ADCY7: variants seen among roughly 807,000 people sequenced by gnomAD.
ADCY7 encodes adenylate cyclase 7, also known as adenylate cyclase type 7.
A neutral mutation model predicts 120.6 loss-of-function variants in ADCY7; 72 were observed. The observed-to-expected ratio is 0.60, with a 90% CI of 0.49 to 0.73. The LOEUF is 0.73. Ranked by LOEUF, ADCY7 falls within the 30% of genes least tolerant of loss-of-function variation. The probability of loss-of-function intolerance (pLI) is 0.00; values close to 1 mark genes in which losing one functional copy is unlikely to be tolerated. For missense variants in ADCY7, 1,227 were observed against 1,486.0 expected (o/e 0.83, Z 2.87); for synonymous variants, 661 against 628.0 (o/e 1.05, Z -0.78).
At position 50,284,689 on chromosome 16, in the gene ADCY7, C is replaced by T. The variant is rs182112273; in HGVS notation, c.-268-3223C>T. On this transcript the variant is annotated intron_variant, in intron 1 of 25. Coordinates refer to ENST00000673801, the MANE Select transcript of ADCY7 (RefSeq NM_001114.5). ...TGTGCTGTGGCATCTGGCTCAGTCC[C>T]CCGGGATGTCAGTGGGCAAGCCTGG... Among the ~76,000 whole-genome samples the T allele has an allele frequency of 1.4e-4, 22 of 152,344 alleles. No homozygotes were observed. In the East Asian group the frequency reaches 4.1e-3, roughly 28 times the overall value.
At chr16:50,279,016 C>G (rs1050065326) in intron 1 of ADCY7, among the ~76,000 whole-genome samples, 2 of 152,088 alleles carry the variant, frequency 1.3e-5, no homozygotes, top group Non-Finnish European at 2.9e-5. Flanking sequence ...GGACTATAGG[C>G]ACGCACCACC....
Position 50,310,676 on chromosome 16 carries a change from T to A in ADCY7, c.2161-11T>A. The A allele has an allele frequency of 6.2e-7, 1 of 1,612,858 alleles. No homozygotes were observed. Among genetic ancestry groups the A allele is most frequent in the Non-Finnish European group, 8.5e-7 (1 of 1,179,252 alleles). ...GGTGGCCCTGTCCTGAGTGACACCC[T>A]GCCCCCTCAGTACTACACCTGCAGC... On this transcript the variant is annotated splice_polypyrimidine_tract_variant and intron_variant, in intron 18 of 25. Transcript: ENST00000673801.
chr16:50,291,745 T>G lies in ADCY7; in HGVS notation c.385T>G (p.Phe129Val). 1 of 1,614,110 alleles carries G rather than the reference T, an allele frequency of 6.2e-7. No individual in the cohort carries two copies. Among genetic ancestry groups the G allele is most frequent in the Non-Finnish European group, 8.5e-7 (1 of 1,179,996 alleles). ...CAGGCTGCATCCACAGGTGCCCTTC[T>G]TCCTGTTCATTGTCTTCGTGGTGTA... ...AACAWEQVPFFLFIVFVVYTL... is the reference protein window; with the variant it reads ...AACAWEQVPFVLFIVFVVYTL... The change falls in exon 4 of 26, where the codon TTC (phenylalanine) becomes GTC (valine). Residue 129 changes from phenylalanine (F) to valine (V), a missense_variant. Physicochemically the swap from Phe to Val is conservative, Grantham distance 50 (BLOSUM62 -1). Transcript: ENST00000673801.
rs61729542 is a variant in ADCY7, at chr16:50,304,410, C to A, written c.1419C>A (p.Asp473Glu). The A allele has an allele frequency of 7.5e-6, 12 of 1,592,820 alleles. No individual in the cohort carries two copies. Among genetic ancestry groups the A allele is most frequent in the Non-Finnish European group, 9.4e-6 (11 of 1,169,076 alleles). Residue 473 changes from aspartate to glutamate, a missense_variant, in exon 11 of 26, where the codon GAC (aspartate) becomes GAA (glutamate). Physicochemically the swap from Asp to Glu is conservative, Grantham distance 45. Coordinates refer to ENST00000673801, the MANE Select transcript of ADCY7 (RefSeq NM_001114.5). The part of the protein sequence containing the change: ...PSQHLPRPKG[D>E]AALKMRASVR... ...AACACCTCCCCAGGCCCAAGGGGGACGCGGCCCTGAAGATGCGGGCGTCAG... is the reference window on the plus strand; with the variant it reads ...AACACCTCCCCAGGCCCAAGGGGGAAGCGGCCCTGAAGATGCGGGCGTCAG...
At chr16:50,276,660 A>G (rs546839858) in intron 1 of ADCY7, among the ~76,000 whole-genome samples, 2 of 152,304 alleles carry the variant, frequency 1.3e-5, no homozygotes, top group East Asian at 3.9e-4. Flanking sequence ...TGGTGGCACA[A>G]TCATCACTTG....
rs373557711 is a variant in ADCY7 at position 50,311,807 on chromosome 16, C to G, written c.2448+21C>G. The G allele has an allele frequency of 5.2e-3, 6,896 of 1,332,884 alleles. 234 individuals carry two copies. The highest frequency in any genetic ancestry group is 6.1e-3 in the Non-Finnish European group (5,974 of 980,334). 82.6% of individuals were successfully genotyped at this position (1,332,884 alleles called of 1,614,324 possible). ...GACAGGTAAGGAGGCTGGCCCCCCC[C>G]CCCCCCCCAAGCTCTGCCCACTTTT... On this transcript the variant is annotated intron_variant, in intron 20 of 25. Transcript: ENST00000673801.
At chr16:50,304,215 C>A in intron 10 of ADCY7, 145 bp from the exon 11 acceptor site, 2 of 840,600 alleles carry the variant, frequency 2.4e-6, no homozygotes, top group Non-Finnish European at 3.3e-6. Flanking sequence ...AAGGGGACTG[C>A]GGGTTGAGCA....
rs969359833 is a variant in ADCY7 at position 50,316,561 on chromosome 16, C to T, written c.*1056C>T. ...CAGCTAACTCTGGAGAGCTTCAAAACTAGAAGGATCTACTCCGCATGGGTG... is the reference window on the plus strand; with the variant it reads ...CAGCTAACTCTGGAGAGCTTCAAAATTAGAAGGATCTACTCCGCATGGGTG... On this transcript the variant is annotated 3_prime_UTR_variant, in exon 26 of 26. Transcript: ENST00000673801. 2.6e-5 allele frequency: 4 copies of T among 152,340 alleles called. No individual in the cohort carries two copies. The highest frequency in any genetic ancestry group is 9.7e-5 in the African/African-American group (4 of 41,442). 9.4% of individuals were successfully genotyped at this position (152,340 alleles called of 1,614,324 possible).
At chr16:50,308,498 C>T in intron 16 of ADCY7, 87 bp downstream of exon 16, 2 of 1,590,352 alleles carry the variant, frequency 1.3e-6, no homozygotes, top group Non-Finnish European at 1.7e-6. Context: ...CTTGGCTGGG[C>T]TGAGCCCCTG....
At chr16:50,246,295 C>G (rs1056584511) in intron 1 of ADCY7, 1 of 151,402 alleles carries the variant, frequency 6.6e-6, no homozygotes, top group African/African-American at 2.4e-5. Flanking sequence ...TCCGCGCGGT[C>G]CCCACACAGG....
Position 50,291,890 on chromosome 16 carries a change from G to C in ADCY7, c.530G>C (p.Gly177Ala). The change falls in exon 4 of 26, where the codon GGG becomes GCG. Residue 177 changes from glycine (G) to alanine (A), a missense_variant. Physicochemically the swap from Gly to Ala is moderately conservative, Grantham distance 60. This residue lies in a region of ADCY7 where 382 missense variants were observed against 411.4 expected (regional missense o/e 0.93). Coordinates refer to ENST00000673801, the MANE Select transcript of ADCY7 (RefSeq NM_001114.5). ...GGFTTPSVRV[G>A]LQLLANAVIF... ...TTCACGACACCCAGTGTCCGGGTGGGGCTGCAGGTGAGGGATGGGCTAAGG... is the reference window on the plus strand; with the variant it reads ...TTCACGACACCCAGTGTCCGGGTGGCGCTGCAGGTGAGGGATGGGCTAAGG... 1 of 1,610,294 alleles carries C rather than the reference G, an allele frequency of 6.2e-7. No homozygotes were observed. The highest frequency in any genetic ancestry group is 8.5e-7 in the Non-Finnish European group (1 of 1,177,832).
chr16:50,315,219 T>C, intron 25 of ADCY7, 81 bp downstream of exon 25: 1 of 1,582,024 alleles, frequency 6.3e-7, no homozygotes, highest in Non-Finnish European at 8.6e-7. Flanking sequence ...TAAGAGCTGC[T>C]GTCTCACCCA....
chr16:50,312,858 A>C (rs1199032172), intron 21 of ADCY7, 32 bp from the exon 22 acceptor site: 6 of 1,531,568 alleles, frequency 3.9e-6, no homozygotes, highest in Non-Finnish European at 5.3e-6. Flanking sequence ...CAAGAGGTGA[A>C]GTGGTGTAAG....
Position 50,309,623 on chromosome 16 carries a change from A to G in ADCY7, c.2137A>G (p.Arg713Gly), listed in dbSNP as rs766008906. The G allele has an allele frequency of 3.1e-6, 5 of 1,611,696 alleles. No individual in the cohort carries two copies. In the African/African-American group the frequency reaches 5.3e-5, roughly 17 times the overall value. Residue 713 changes from arginine to glycine, a missense_variant, in exon 18 of 26, where the codon AGA (arginine) becomes GGA (glycine). Around this residue, in one of 5 missense-constraint regions of ADCY7, gnomAD observed 267 missense variants for 270.0 expected, o/e 0.99. Coordinates refer to ENST00000673801, the MANE Select transcript of ADCY7 (RefSeq NM_001114.5). ...CCTACTGGCCGCGAGCAGCAAGACA[A>G]GAGCCCTGTGTGAGCCCCTCCCGGT... ...TGLLAASSKT[R>G]ALCEPLPYYT...
intron 1 of ADCY7, among the ~76,000 whole-genome samples, chr16:50,255,892 G>A (rs1253209893): frequency 6.6e-6 from 1 of 152,212 alleles, no homozygotes; most frequent in Non-Finnish European, 1.5e-5. Context: ...TCACAGGCAG[G>A]AGGATGAAAT....
intron 1 of ADCY7, among the ~76,000 whole-genome samples, chr16:50,269,214 G>A (rs2150827415): frequency 6.6e-6 from 1 of 152,312 alleles, no homozygotes; most frequent in Middle Eastern, 3.4e-3. Flanking sequence ...GGGCCCAGAG[G>A]GGCTGTCTAT....
chr16:50,252,796 TA>T (rs901577053), intron 1 of ADCY7, among the ~76,000 whole-genome samples: 4 of 152,214 alleles, frequency 2.6e-5, no homozygotes, highest in Non-Finnish European at 5.9e-5. Context: ...TTTCATTTTT[TA>T]AAGTACAGAA....
intron 7 of ADCY7, among the ~76,000 whole-genome samples, chr16:50,295,819 G>A (rs2035315864): frequency 6.6e-6 from 1 of 152,300 alleles, no homozygotes; most frequent in South Asian, 2.1e-4. Context: ...TCTGGGTGGG[G>A]CCTTGGGCCT....
intron 12 of ADCY7, 96 bp downstream of exon 12, chr16:50,305,055 G>A (rs2035971078): frequency 5.4e-6 from 8 of 1,494,570 alleles, no homozygotes; most frequent in Non-Finnish European, 7.4e-6. Flanking sequence ...GCTCCGCAAG[G>A]CCCAGCCCAG....
Sources: gnomAD v4.1 joint callset for allele counts (sites outside exome capture counted in the v4.1 genomes callset) on GRCh38, gnomAD v4.1.1 for gene constraint, gnomAD v4.1.1 regional missense constraint, MANE v1.5 for transcripts, NCBI Gene and HGNC (gene_info 2026-07-23, HGNC 2026-07-21) for gene names.